Variants in GSK3B observed in about 807,000 individuals in gnomAD.
The protein encoded by GSK3B is glycogen synthase kinase 3 beta.
In GSK3B, 15 loss-of-function variants were observed where a neutral mutation model predicts 56.4. The observed-to-expected ratio is 0.27, with a 90% confidence interval of 0.18 to 0.41. The LOEUF is 0.41. GSK3B is among the 10% of genes least tolerant of loss of function. The probability of loss-of-function intolerance (pLI) is 1.00; values close to 1 mark genes in which losing one functional copy is unlikely to be tolerated. For synonymous variants in GSK3B, 181 were observed against 188.9 expected, an observed-to-expected ratio of 0.96 and a Z score of 0.34; for missense variants, 300 against 513.4, an observed-to-expected ratio of 0.58 and a Z score of 4.02.
intron 10 of GSK3B, among the ~76,000 whole-genome samples, chr3:119,837,488 A>G (rs1211032735): frequency 6.6e-6 from 1 of 152,092 alleles, no homozygotes; most frequent in Non-Finnish European, 1.5e-5. Flanking sequence ...AGAGTGATGC[A>G]AAGATAAAAA....
chr3:119,877,103 T>A (rs1463017536), intron 7 of GSK3B, among the ~76,000 whole-genome samples: 2 of 152,186 alleles, frequency 1.3e-5, no homozygotes, highest in African/African-American at 4.8e-5. Flanking sequence ...CAGACTTCTA[T>A]GATAACAATA....
intron 9 of GSK3B, among the ~76,000 whole-genome samples, chr3:119,859,489 T>C (rs2056070732): frequency 6.6e-6 from 1 of 152,340 alleles, no homozygotes; most frequent in African/African-American, 2.4e-5. Context: ...AGCCTACTGC[T>C]TTCAAATGAA....
intron 1 of GSK3B, among the ~76,000 whole-genome samples, chr3:120,055,311 G>A (rs1037828103): frequency 2.6e-5 from 4 of 152,242 alleles, no homozygotes; most frequent in Non-Finnish European, 5.9e-5. Flanking sequence ...TAACAATGGT[G>A]CAGGAATGTA....
chr3:120,066,346 C>T (rs375161427), intron 1 of GSK3B, among the ~76,000 whole-genome samples: 1 of 151,950 alleles, frequency 6.6e-6, no homozygotes, highest in Admixed American at 6.6e-5. Flanking sequence ...TACTAGAAAA[C>T]AGGATTACCA....
At chr3:119,945,893 T>G (rs1381184509) in intron 3 of GSK3B, among the ~76,000 whole-genome samples, 1 of 151,996 alleles carries the variant, frequency 6.6e-6, no homozygotes, top group East Asian at 1.9e-4. Flanking sequence ...GATGCAAAAT[T>G]TCATTACAAA....
At chr3:120,090,612 ACT>A (rs1239104931) in intron 1 of GSK3B, among the ~76,000 whole-genome samples, 3 of 152,152 alleles carry the variant, frequency 2.0e-5, no homozygotes, top group African/African-American at 7.2e-5. Flanking sequence ...CTTCATTCAC[ACT>A]GTCTCTCAAA....
intron 1 of GSK3B, among the ~76,000 whole-genome samples, chr3:120,022,874 T>C (rs1230827830): frequency 6.6e-6 from 1 of 152,236 alleles, no homozygotes; most frequent in Non-Finnish European, 1.5e-5. Context: ...ACTAATCCTC[T>C]TATTGGTGGG....
chr3:120,032,170 A>C (rs886875997), intron 1 of GSK3B, among the ~76,000 whole-genome samples: 2 of 152,170 alleles, frequency 1.3e-5, no homozygotes, highest in African/African-American at 4.8e-5. Context: ...GGGGTAAATA[A>C]AATATATTAT....
rs138555039 is a variant in GSK3B, at chr3:119,916,391, C to T, written c.478-217G>A. On this transcript the variant is annotated intron_variant, in intron 4 of 10. Coordinates refer to ENST00000264235, the MANE Select transcript of GSK3B (RefSeq NM_001146156.2). The stretch of plus-strand genomic sequence containing the variant: ...ACTGTCATTAACCATATGTACTATT[C>T]GCTTCATTCTTTAATAACTCAAAAG... 1.3e-3 allele frequency among the ~76,000 whole-genome samples: 192 copies of T among 152,246 alleles called. 2 individuals carry two copies. Among genetic ancestry groups the T allele is most frequent in the Admixed American group, 1.4e-3 (21 of 15,288 alleles).
chr3:120,001,382 C>CAAT (rs1207463031), intron 2 of GSK3B, among the ~76,000 whole-genome samples: 23 of 151,942 alleles, frequency 1.5e-4, no homozygotes, highest in African/African-American at 5.1e-4. Context: ...ATAGTAATAA[C>CAAT]AATAATAATA....
intron 1 of GSK3B, among the ~76,000 whole-genome samples, chr3:120,071,039 C>T (rs1018436505): frequency 4.4e-4 from 67 of 152,202 alleles, no homozygotes; most frequent in African/African-American, 1.5e-3. Context: ...GGGCTAAATA[C>T]ACCTAATGCA....
intron 1 of GSK3B, among the ~76,000 whole-genome samples, chr3:120,047,982 T>C (rs990374884): frequency 3.3e-5 from 5 of 152,214 alleles, no homozygotes; most frequent in African/African-American, 1.2e-4. Flanking sequence ...ATCAATGCTG[T>C]CCAGCTCTAA....
intron 3 of GSK3B, among the ~76,000 whole-genome samples, chr3:119,940,794 A>T (rs1312686131): frequency 6.6e-6 from 1 of 152,146 alleles, no homozygotes; most frequent in Non-Finnish European, 1.5e-5. Context: ...AGAGTCACAT[A>T]CTTCCTGCAA....
chr3:120,029,163 A>G, intron 1 of GSK3B: 1 of 690,406 alleles, frequency 1.4e-6, no homozygotes. Flanking sequence ...GGGATAGCAT[A>G]AGATCACAAA....
intron 7 of GSK3B, among the ~76,000 whole-genome samples, chr3:119,903,609 AG>A (rs1192627126): frequency 1.9e-4 from 29 of 152,236 alleles, no homozygotes; most frequent in Non-Finnish European, 5.9e-5. Context: ...TGTACAAACA[AG>A]CTCTAGACTT....
chr3:120,040,895 T>C (rs1262499341), intron 1 of GSK3B, among the ~76,000 whole-genome samples: 1 of 151,540 alleles, frequency 6.6e-6, no homozygotes, highest in Non-Finnish European at 1.5e-5. Context: ...TCCTCCTCCT[T>C]ACAATTCTCA....
In GSK3B at chr3:119,981,177, A is replaced by C. The variant is rs868386353; in HGVS notation, c.282+20869T>G. 5.3e-5 allele frequency among the ~76,000 whole-genome samples: 8 copies of C among 152,360 alleles called. 1 individual carries two copies. In the Middle Eastern group the frequency reaches 0.02, roughly 389 times the overall value. On this transcript the variant is annotated intron_variant, in intron 2 of 10. Coordinates refer to ENST00000264235, the MANE Select transcript of GSK3B (RefSeq NM_001146156.2). ...ACACCTAGCACATAATTAAAATCCCAAACTTACAAGGTTTTCAACAAAAGT... is the reference window on the plus strand; with the variant it reads ...ACACCTAGCACATAATTAAAATCCCCAACTTACAAGGTTTTCAACAAAAGT...
chr3:119,835,177 C>T (rs2055670183), intron 10 of GSK3B, among the ~76,000 whole-genome samples: 1 of 152,180 alleles, frequency 6.6e-6, no homozygotes, highest in Non-Finnish European at 1.5e-5. Flanking sequence ...CTGTACTTCC[C>T]CTACTCCCAC....
chr3:119,945,793 T>C (rs1464531491), intron 3 of GSK3B, among the ~76,000 whole-genome samples: 1 of 152,140 alleles, frequency 6.6e-6, no homozygotes, highest in Non-Finnish European at 1.5e-5. Flanking sequence ...CAAATGAATC[T>C]ATTGTAATCC....
Sources: gnomAD v4.1 joint callset for allele counts (sites outside exome capture counted in the v4.1 genomes callset) on GRCh38, gnomAD v4.1.1 for gene constraint, MANE v1.5 for transcripts, NCBI Gene and HGNC (gene_info 2026-07-23, HGNC 2026-07-21) for gene names.